Variants in EGFR observed in about 807,000 individuals in gnomAD.
EGFR encodes epidermal growth factor receptor.
EGFR carries 58 observed loss-of-function variants against 143.0 expected under a neutral mutation model. The observed-to-expected ratio is 0.41, with a 90% CI of 0.33 to 0.50. EGFR has a LOEUF of 0.50. EGFR is among the 20% of genes least tolerant of loss of function. EGFR has a pLI of 0.39. For synonymous variants in EGFR, 613 were observed against 594.4 expected, an observed-to-expected ratio of 1.03 and a Z score of -0.45; for missense variants, 1,307 against 1,579.0, an observed-to-expected ratio of 0.83 and a Z score of 2.92.
At chr7:55,103,031 T>C (rs1791917099) in intron 1 of EGFR, among the ~76,000 whole-genome samples, 1 of 152,220 alleles carries the variant, frequency 6.6e-6, no homozygotes, top group Non-Finnish European at 1.5e-5. Flanking sequence ...TTTGAAGAAG[T>C]TTGGGGAGTT....
chr7:55,198,055 G>A (rs2128968161), intron 22 of EGFR, among the ~76,000 whole-genome samples: 1 of 152,140 alleles, frequency 6.6e-6, no homozygotes, highest in Non-Finnish European at 1.5e-5. Flanking sequence ...AATTTTTTTG[G>A]AATAGTTTCA....
At chr7:55,191,659 G>A (rs755197307) in intron 20 of EGFR, 60 bp from the exon 21 acceptor site, 19 of 1,608,562 alleles carry the variant, frequency 1.2e-5, no homozygotes, top group Non-Finnish European at 1.5e-5. Flanking sequence ...CCCTGAATTC[G>A]GATGCAGAGC....
intron 1 of EGFR, among the ~76,000 whole-genome samples, chr7:55,051,941 T>C (rs576030501): frequency 6.6e-6 from 1 of 152,366 alleles, no homozygotes. Flanking sequence ...TAGTTTGCTC[T>C]TCAAATAGTC....
At chr7:55,052,672 G>C (rs1483705712) in intron 1 of EGFR, among the ~76,000 whole-genome samples, 1 of 152,200 alleles carries the variant, frequency 6.6e-6, no homozygotes, top group Non-Finnish European at 1.5e-5. Context: ...GCCATCACTT[G>C]CATCAGCATC....
At chr7:55,140,056 G>T (rs1039921312) in intron 1 of EGFR, among the ~76,000 whole-genome samples, 1 of 151,422 alleles carries the variant, frequency 6.6e-6, no homozygotes, top group East Asian at 2.0e-4. Flanking sequence ...CTTTTGGGGG[G>T]TCATTTGGGG....
At chr7:55,047,522 G>A (rs1404733193) in intron 1 of EGFR, among the ~76,000 whole-genome samples, 4 of 152,200 alleles carry the variant, frequency 2.6e-5, no homozygotes, top group African/African-American at 9.6e-5. Flanking sequence ...GGCAGAGGCA[G>A]GTGGATCACC....
chr7:55,093,231 G>C (rs1261942659), intron 1 of EGFR, among the ~76,000 whole-genome samples: 1 of 152,172 alleles, frequency 6.6e-6, no homozygotes, highest in Non-Finnish European at 1.5e-5. Flanking sequence ...AAATGCACTT[G>C]TCAGTCATGT....
chr7:55,094,626 T>C (rs1427809603), intron 1 of EGFR, among the ~76,000 whole-genome samples: 3 of 152,216 alleles, frequency 2.0e-5, no homozygotes, highest in Non-Finnish European at 4.4e-5. Flanking sequence ...TCCAGCAACT[T>C]CCTTTCTAAC....
intron 24 of EGFR, chr7:55,200,630 C>T (rs866284352): frequency 8.0e-6 from 5 of 621,156 alleles, no homozygotes; most frequent in Non-Finnish European, 1.5e-5. Flanking sequence ...TCCCCCTCCC[C>T]GTCTGAACTC....
At chr7:55,063,117 TG>T (rs1789287569) in intron 1 of EGFR, among the ~76,000 whole-genome samples, 1 of 152,096 alleles carries the variant, frequency 6.6e-6, no homozygotes, top group Non-Finnish European at 1.5e-5. Context: ...TTCTCTTCAC[TG>T]AGGGTCAAAT....
intron 19 of EGFR, chr7:55,181,049 G>A: frequency 1.7e-6 from 1 of 590,628 alleles, no homozygotes; most frequent in Non-Finnish European, 3.0e-6. Context: ...TGTTGCCTGG[G>A]CCTCTCTGTC....
rs1433584251 is a variant in EGFR at position 55,160,289 on chromosome 7, C to T, written c.1449C>T (p.Thr483=). 1 of 1,613,944 alleles carries T rather than the reference C, an allele frequency of 6.2e-7. No individual in the cohort carries two copies. Among genetic ancestry groups the T allele is most frequent in the Non-Finnish European group, 8.5e-7 (1 of 1,179,994 alleles). Residue 483 remains threonine (T), a synonymous_variant, in exon 12 of 28, where the codon ACC becomes ACT. Coordinates refer to ENST00000275493, the MANE Select transcript of EGFR (RefSeq NM_005228.5). ...NTINWKKLFG[T]SGQKTKIISN... is the part of the protein sequence containing the mutation. ...TAAACTGGAAAAAACTGTTTGGGACCTCCGGTCAGAAAACCAAAATTATAA... is the reference window on the plus strand; with the variant it reads ...TAAACTGGAAAAAACTGTTTGGGACTTCCGGTCAGAAAACCAAAATTATAA...
intron 1 of EGFR, among the ~76,000 whole-genome samples, chr7:55,111,314 G>A (rs970905456): frequency 6.6e-6 from 1 of 151,734 alleles, no homozygotes; most frequent in Non-Finnish European, 1.5e-5. Context: ...CACAGTAACC[G>A]GTTTCAGAGC....
chr7:55,189,550 T>C (rs904433488), intron 20 of EGFR, among the ~76,000 whole-genome samples: 1 of 152,204 alleles, frequency 6.6e-6, no homozygotes, highest in African/African-American at 2.4e-5. Context: ...GAAACGAAGC[T>C]GGGAATGTGC....
chr7:55,175,838 C>A (rs575460257), intron 19 of EGFR, among the ~76,000 whole-genome samples: 69 of 152,212 alleles, frequency 4.5e-4, no homozygotes, highest in African/African-American at 1.6e-3. Flanking sequence ...TGGAGGAAAT[C>A]TACAGTTTAA....
At chr7:55,089,939 C>T (rs1455836619) in intron 1 of EGFR, among the ~76,000 whole-genome samples, 2 of 145,100 alleles carry the variant, frequency 1.4e-5, no homozygotes, top group African/African-American at 5.2e-5. Flanking sequence ...GGTGATGCTA[C>T]TTATTTATTT....
intron 1 of EGFR, among the ~76,000 whole-genome samples, chr7:55,118,314 C>A (rs1282013882): frequency 6.6e-6 from 1 of 152,196 alleles, no homozygotes; most frequent in Non-Finnish European, 1.5e-5. Flanking sequence ...CCTAGAATCT[C>A]AGAATCTGCA....
chr7:55,092,123 G>C (rs1009162566), intron 1 of EGFR, among the ~76,000 whole-genome samples: 1 of 152,246 alleles, frequency 6.6e-6, no homozygotes, highest in African/African-American at 2.4e-5. Flanking sequence ...GGCTACCTCT[G>C]TTCTTCCATG....
At chr7:55,140,811 A>G (rs1307630087) in intron 1 of EGFR, among the ~76,000 whole-genome samples, 1 of 152,244 alleles carries the variant, frequency 6.6e-6, no homozygotes, top group Non-Finnish European at 1.5e-5. Flanking sequence ...AAATTGAATG[A>G]GAACACAGAA....
Sources: gnomAD v4.1 joint callset for allele counts (sites outside exome capture counted in the v4.1 genomes callset) on GRCh38, gnomAD v4.1.1 for gene constraint, MANE v1.5 for transcripts, NCBI Gene and HGNC (gene_info 2026-07-23, HGNC 2026-07-21) for gene names.